Variants in PLCXD3 observed in about 807,000 individuals in gnomAD.
The protein encoded by PLCXD3 is PI-PLC X domain-containing protein 3.
Under a neutral mutation model 25.5 loss-of-function variants are expected in PLCXD3, and 19 were observed. The ratio of observed to expected loss-of-function variants is 0.75; its 90% CI spans 0.52 to 1.09. The LOEUF (loss-of-function observed/expected upper bound fraction) is 1.09, where lower values mean the gene tolerates loss of function less well. Among genes scored for constraint, PLCXD3 ranks in the 50% least tolerant of loss-of-function variants. The pLI, the probability that PLCXD3 is intolerant of heterozygous loss-of-function variation, is 0.00. For synonymous variants in PLCXD3, 174 were observed against 137.6 expected, an observed-to-expected ratio of 1.26 and a Z score of -1.85; for missense variants, 411 against 388.1, an observed-to-expected ratio of 1.06 and a Z score of -0.50.
Position 41,313,578 on chromosome 5 carries a change from C to T in PLCXD3, c.*39G>A. On this transcript the variant is annotated 3_prime_UTR_variant, in exon 3 of 3. Coordinates refer to ENST00000377801, the MANE Select transcript of PLCXD3 (RefSeq NM_001005473.3). ...AGATAGTATGCCCTAATACAATGAG[C>T]TTTCTCCATCTTATTCATGGAAACT... 6.2e-7 allele frequency: 1 copy of T among 1,611,084 alleles called. No individual in the cohort carries two copies. Among genetic ancestry groups the T allele is most frequent in the Non-Finnish European group, 8.5e-7 (1 of 1,177,494 alleles).
intron 2 of PLCXD3, among the ~76,000 whole-genome samples, chr5:41,338,442 C>A (rs1317853638): frequency 6.6e-6 from 1 of 152,078 alleles, no homozygotes; most frequent in Non-Finnish European, 1.5e-5. Context: ...CCCCTACTAA[C>A]ATGCGTGCAT....
At chr5:41,344,606 G>A (rs1343790472) in intron 2 of PLCXD3, among the ~76,000 whole-genome samples, 3 of 151,822 alleles carry the variant, frequency 2.0e-5, no homozygotes, top group Non-Finnish European at 2.9e-5. Context: ...ATAAAAATGC[G>A]GCTGATATCT....
intron 1 of PLCXD3, among the ~76,000 whole-genome samples, chr5:41,390,201 T>C (rs879501712): frequency 1.3e-5 from 2 of 152,198 alleles, no homozygotes; most frequent in Non-Finnish European, 2.9e-5. Context: ...TTCTTTTTAT[T>C]GCTAAATCAT....
At chr5:41,370,162 C>CA (rs1255526324) in intron 2 of PLCXD3, among the ~76,000 whole-genome samples, 4 of 152,032 alleles carry the variant, frequency 2.6e-5, no homozygotes, top group South Asian at 2.1e-4. Context: ...GTGATTTCTG[C>CA]AAAAAAATGA....
chr5:41,453,443 T>A (rs1193643328), intron 1 of PLCXD3, among the ~76,000 whole-genome samples: 2 of 151,848 alleles, frequency 1.3e-5, no homozygotes, highest in South Asian at 2.1e-4. Context: ...TCACCTGAAG[T>A]TTCTCCACTT....
chr5:41,314,466 G>A (rs1184779157), intron 2 of PLCXD3, among the ~76,000 whole-genome samples: 1 of 152,238 alleles, frequency 6.6e-6, no homozygotes, highest in Non-Finnish European at 1.5e-5. Flanking sequence ...TAGTTTGATA[G>A]AAGGGAATAA....
chr5:41,419,393 G>C (rs993165318), intron 1 of PLCXD3, among the ~76,000 whole-genome samples: 9 of 152,118 alleles, frequency 5.9e-5, no homozygotes, highest in African/African-American at 2.2e-4. Context: ...CAAAGTGCTA[G>C]GGGAACATTT....
At chr5:41,390,431 A>G (rs1817334) in intron 1 of PLCXD3, among the ~76,000 whole-genome samples, 16,676 of 152,162 alleles carry the variant, frequency 0.11, 1,020 homozygotes, top group Non-Finnish European at 0.12. Context: ...AGAAATTGAC[A>G]AATTTCTCAA....
Position 41,382,335 on chromosome 5 carries a change from G to T in PLCXD3, c.303C>A (p.Thr101=). Residue 101 remains threonine, a synonymous_variant, in exon 2 of 3, where the codon ACC becomes ACA. Transcript: ENST00000377801. The part of the protein sequence containing the change: ...GIRYFDLRIS[T]KPRDPDNELY... ...GTTCATTGTCGGGGTCTCTGGGCTT[G>T]GTGGAAATTCGAAGATCAAAATAAC... 6.2e-7 allele frequency: 1 copy of T among 1,613,518 alleles called. No individual in the cohort carries two copies. Among genetic ancestry groups the T allele is most frequent in the Non-Finnish European group, 8.5e-7 (1 of 1,179,738 alleles).
intron 2 of PLCXD3, among the ~76,000 whole-genome samples, chr5:41,359,985 G>T (rs2150484646): frequency 6.6e-6 from 1 of 151,964 alleles, no homozygotes; most frequent in African/African-American, 2.4e-5. Flanking sequence ...TCTTAGGTTT[G>T]GATGTTTAAC....
rs1743185433 is a variant in PLCXD3 at position 41,313,140 on chromosome 5, C to T, written c.*477G>A. 1 of 156,736 alleles carries T rather than the reference C, an allele frequency of 6.4e-6. No homozygotes were observed. The highest frequency in any genetic ancestry group is 2.4e-5 in the African/African-American group (1 of 41,424). 9.7% of individuals were successfully genotyped at this position (156,736 alleles called of 1,614,324 possible). ...ATGACTATAGAGCATTATAACAAGT[C>T]CCACAAAACTAGTAAGTTTTAAGAC... On this transcript the variant is annotated 3_prime_UTR_variant, in exon 3 of 3. Transcript: ENST00000377801.
intron 2 of PLCXD3, among the ~76,000 whole-genome samples, chr5:41,321,438 A>G (rs1251923811): frequency 6.6e-6 from 1 of 152,144 alleles, no homozygotes; most frequent in Non-Finnish European, 1.5e-5. Context: ...AAGACACCAA[A>G]AAAATGCAAA....
chr5:41,363,684 C>T (rs1744852250), intron 2 of PLCXD3, among the ~76,000 whole-genome samples: 1 of 152,202 alleles, frequency 6.6e-6, no homozygotes, highest in South Asian at 2.1e-4. Flanking sequence ...CCTTCATTAG[C>T]TTTGCTCACT....
intron 1 of PLCXD3, among the ~76,000 whole-genome samples, chr5:41,491,986 G>C (rs1251632194): frequency 2.0e-5 from 3 of 152,186 alleles, no homozygotes; most frequent in Non-Finnish European, 4.4e-5. Flanking sequence ...TATGATGTTA[G>C]CTGGTTATTT....
chr5:41,425,580 G>A (rs1390963777), intron 1 of PLCXD3, among the ~76,000 whole-genome samples: 12 of 152,092 alleles, frequency 7.9e-5, no homozygotes, highest in Admixed American at 7.9e-4. Context: ...TACCACTATA[G>A]TATCATACAG....
In PLCXD3 at chr5:41,324,032, G is replaced by C. The variant is rs540749165; in HGVS notation, c.813-10262C>G. On this transcript the variant is annotated intron_variant, in intron 2 of 2. Coordinates refer to ENST00000377801, the MANE Select transcript of PLCXD3 (RefSeq NM_001005473.3). ...AGCTGCTCAGAAGTCATCACAAACA[G>C]AGAATAGTTGGAGCTGTGAACGTGG... Among the ~76,000 whole-genome samples the C allele has an allele frequency of 4.6e-5, 7 of 152,256 alleles. No individual in the cohort carries two copies. The South Asian group carries it at 1.5e-3, about 32-fold the overall frequency.
Position 41,426,894 on chromosome 5 carries a change from T to C in PLCXD3, c.104-44360A>G, listed in dbSNP as rs115825377. On this transcript the variant is annotated intron_variant, in intron 1 of 2. Coordinates refer to ENST00000377801, the MANE Select transcript of PLCXD3 (RefSeq NM_001005473.3). Reference sequence around the variant, plus strand: ...TGTGCTCATTTAATAATAATCTATCTAAATAGAGAATTCTAGAATGACTAT... The same window carrying C: ...TGTGCTCATTTAATAATAATCTATCCAAATAGAGAATTCTAGAATGACTAT... Among the ~76,000 whole-genome samples, 935 of 152,250 alleles carry C rather than the reference T, an allele frequency of 6.1e-3. 5 individuals are homozygous for C. The highest frequency in any genetic ancestry group is 9.9e-3 in the Non-Finnish European group (672 of 67,968).
chr5:41,450,123 T>C (rs1348754487), intron 1 of PLCXD3, among the ~76,000 whole-genome samples: 1 of 152,082 alleles, frequency 6.6e-6, no homozygotes, highest in African/African-American at 2.4e-5. Flanking sequence ...AAAGCTGCCC[T>C]TGGTTTTGGC....
intron 1 of PLCXD3, among the ~76,000 whole-genome samples, chr5:41,386,352 C>A (rs1019893871): frequency 6.6e-6 from 1 of 152,012 alleles, no homozygotes; most frequent in Non-Finnish European, 1.5e-5. Context: ...CACATAGCAT[C>A]AATTTTATTA....
Sources: gnomAD v4.1 joint callset for allele counts (sites outside exome capture counted in the v4.1 genomes callset) on GRCh38, gnomAD v4.1.1 for gene constraint, MANE v1.5 for transcripts, NCBI Gene and HGNC (gene_info 2026-07-23, HGNC 2026-07-21) for gene names.